The following PDE1C variants were observed in gnomAD, a reference collection of about 807,000 sequenced individuals.
PDE1C encodes the protein dual specificity calcium/calmodulin-dependent 3',5'-cyclic nucleotide phosphodiesterase 1C.
A neutral mutation model predicts 93.1 loss-of-function variants in PDE1C; 62 were observed. The observed-to-expected ratio is 0.67, with a 90% confidence interval of 0.54 to 0.82. The LOEUF (loss-of-function observed/expected upper bound fraction) is 0.82, where lower values mean the gene tolerates loss of function less well. PDE1C is among the 40% of genes least tolerant of loss of function. The probability of loss-of-function intolerance (pLI) is 0.00; values close to 1 mark genes in which losing one functional copy is unlikely to be tolerated. For synonymous variants in PDE1C, 325 were observed against 310.1 expected (o/e 1.05, Z -0.50); for missense variants, 742 against 884.6 (o/e 0.84, Z 2.04).
At chr7:31,878,590 A>G (rs901096895) in intron 4 of PDE1C, among the ~76,000 whole-genome samples, 1 of 152,304 alleles carries the variant, frequency 6.6e-6, no homozygotes, top group Non-Finnish European at 1.5e-5. Context: ...ATAGCTAATA[A>G]AACTGAAGTG....
chr7:32,348,754 A>C (rs990970948), intron 1 of PDE1C, among the ~76,000 whole-genome samples: 15 of 152,300 alleles, frequency 9.8e-5, no homozygotes, highest in African/African-American at 2.9e-4. Context: ...GATGGCCATC[A>C]AAAGATGTAT....
At chr7:31,744,141 G>A in the PDE1C span, among the ~76,000 whole-genome samples, 2 of 152,150 alleles carry the variant, frequency 1.3e-5, no homozygotes, top group East Asian at 3.9e-4. Flanking sequence ...AAATATCATG[G>A]ATATTGTCAT....
chr7:31,890,427 C>A (rs1384761639), intron 2 of PDE1C, among the ~76,000 whole-genome samples: 1 of 152,188 alleles, frequency 6.6e-6, no homozygotes, highest in Non-Finnish European at 1.5e-5. Flanking sequence ...AGCAAGTTTG[C>A]AGGAAGATTT....
intron 17 of PDE1C, among the ~76,000 whole-genome samples, chr7:31,754,020 G>A (rs1344423985): frequency 6.6e-6 from 1 of 152,074 alleles, no homozygotes; most frequent in Non-Finnish European, 1.5e-5. Flanking sequence ...TAAAGATCTT[G>A]TATTCAAAAT....
At chr7:32,226,870 C>A (rs1468270852) in intron 1 of PDE1C, among the ~76,000 whole-genome samples, 4 of 152,198 alleles carry the variant, frequency 2.6e-5, no homozygotes, top group African/African-American at 9.7e-5. Flanking sequence ...CAGACAGCAG[C>A]TCCCCAGCCA....
Position 32,341,173 on chromosome 7 carries a change from C to CTATTTTTTTTTTTTTTTTTTTT in PDE1C, c.310+86648_310+86649insAAAAAAAAAAAAAAAAAAAATA, listed in dbSNP as rs796122014. On this transcript the variant is annotated intron_variant, in intron 1 of 1. Coordinates refer to the PDE1C transcript ENST00000672256. ...CCTAAAACTACTCTAGAAATAAAGT[C>CTATTTTTTTTTTTTTTTTTTTT]TTTTTTTTTTTTTTTTTTTTGAGAC... Among the ~76,000 whole-genome samples, 97 of 84,954 alleles carry CTATTTTTTTTTTTTTTTTTTTT rather than the reference C, an allele frequency of 1.1e-3. 9 individuals carry two copies. Among genetic ancestry groups the CTATTTTTTTTTTTTTTTTTTTT allele is most frequent in the African/African-American group, 4.1e-3 (94 of 23,018 alleles). The allele number at this position is 84,954 out of a possible 152,430, so 55.7% of individuals were successfully genotyped here. A position where few individuals can be genotyped will look rare whatever the true frequency, so the allele number is the denominator to read the frequency against.
intron 2 of PDE1C, among the ~76,000 whole-genome samples, chr7:32,033,171 T>G (rs1790561068): frequency 6.6e-6 from 1 of 152,060 alleles, no homozygotes; most frequent in Non-Finnish European, 1.5e-5. Context: ...GCAGAATCAA[T>G]TGTTAGTTCC....
intron 1 of PDE1C, among the ~76,000 whole-genome samples, chr7:32,387,602 C>T (rs1367261272): frequency 2.0e-5 from 3 of 147,162 alleles, no homozygotes; most frequent in African/African-American, 5.1e-5. Context: ...CCTCACCTCC[C>T]GGATGGGGCG....
At chr7:32,021,522 C>A (rs1410696551) in intron 2 of PDE1C, among the ~76,000 whole-genome samples, 3 of 152,080 alleles carry the variant, frequency 2.0e-5, no homozygotes, top group Admixed American at 6.6e-5. Context: ...GAACAATTTA[C>A]AAAATTAGAT....
chr7:32,334,740 T>C (rs1783583177), intron 1 of PDE1C, among the ~76,000 whole-genome samples: 1 of 152,214 alleles, frequency 6.6e-6, no homozygotes, highest in South Asian at 2.1e-4. Flanking sequence ...ATAGTATGTG[T>C]ACAGTGTAAT....
At chr7:32,068,486 T>C (rs1795663191) in intron 1 of PDE1C, among the ~76,000 whole-genome samples, 1 of 152,144 alleles carries the variant, frequency 6.6e-6, no homozygotes, top group African/African-American at 2.4e-5. Context: ...CTTTTCAAAT[T>C]AGAAAGTGAA....
chr7:31,882,225 C>A (rs139369428), intron 2 of PDE1C, among the ~76,000 whole-genome samples: 1 of 152,068 alleles, frequency 6.6e-6, no homozygotes, highest in Non-Finnish European at 1.5e-5. Context: ...ATATATCAAA[C>A]GGAAATATGC....
chr7:32,108,230 C>CAAAAA (rs71559210), intron 3 of PDE1C, among the ~76,000 whole-genome samples: 4 of 77,062 alleles, frequency 5.2e-5, no homozygotes, highest in Non-Finnish European at 7.4e-5. Context: ...AAAAGCAAGA[C>CAAAAA]AAAAAAAAAA....
At chr7:32,008,802 C>T (rs143020675) in intron 2 of PDE1C, among the ~76,000 whole-genome samples, 1,616 of 152,170 alleles carry the variant, frequency 0.011, 23 homozygotes, top group South Asian at 0.049. Flanking sequence ...CAAATAGATG[C>T]TACCATGTTT....
chr7:32,133,201 T>C (rs1356066420), intron 3 of PDE1C, among the ~76,000 whole-genome samples: 1 of 152,208 alleles, frequency 6.6e-6, no homozygotes, highest in Non-Finnish European at 1.5e-5. Context: ...AGACATGAGC[T>C]ATATCTGCTT....
chr7:32,013,566 C>T (rs1787458916), intron 2 of PDE1C, among the ~76,000 whole-genome samples: 1 of 152,082 alleles, frequency 6.6e-6, no homozygotes, highest in East Asian at 1.9e-4. Flanking sequence ...TTAAAAGAGG[C>T]AAAGGCAGAG....
the PDE1C span, among the ~76,000 whole-genome samples, chr7:31,678,781 C>T: frequency 5.3e-5 from 8 of 152,112 alleles, no homozygotes; most frequent in African/African-American, 1.9e-4. Context: ...AAATCTTGTG[C>T]TTTCTTTTCC....
At chr7:31,896,631 T>C (rs1347701147) in intron 2 of PDE1C, among the ~76,000 whole-genome samples, 1 of 152,216 alleles carries the variant, frequency 6.6e-6, no homozygotes, top group Non-Finnish European at 1.5e-5. Flanking sequence ...GTGATACTAT[T>C]GGCATTGTTC....
chr7:32,115,514 G>T (rs1196793329), intron 3 of PDE1C, among the ~76,000 whole-genome samples: 1 of 152,058 alleles, frequency 6.6e-6, no homozygotes, highest in Non-Finnish European at 1.5e-5. Flanking sequence ...AATAGCTAAT[G>T]CATGCGGGCC....
Sources: allele counts gnomAD v4.1 joint callset (sites outside exome capture counted in the v4.1 genomes callset), GRCh38; gene constraint gnomAD v4.1.1; transcripts MANE v1.5; gene names NCBI Gene and HGNC (gene_info 2026-07-23, HGNC 2026-07-21).